The following PDZD2 variants were observed in gnomAD, a reference collection of about 807,000 sequenced individuals.
The protein encoded by PDZD2 is PDZ domain-containing protein 2.
PDZD2 carries 90 observed loss-of-function variants against 220.7 expected under a neutral mutation model. The ratio of observed to expected loss-of-function variants is 0.41; its 90% confidence interval spans 0.34 to 0.49. The LOEUF is 0.49. PDZD2 is among the 20% of genes least tolerant of loss of function. PDZD2 has a pLI of 0.28. For synonymous variants in PDZD2, 1,375 were observed against 1,450.5 expected (o/e 0.95, Z 1.18); for missense variants, 3,174 against 3,608.5 (o/e 0.88, Z 3.08).
chr5:31,870,450 C>G (rs563236344), intron 2 of PDZD2, among the ~76,000 whole-genome samples: 1 of 152,174 alleles, frequency 6.6e-6, no homozygotes, highest in East Asian at 1.9e-4. Flanking sequence ...GGTTTGGATG[C>G]TTTAGAGGTC....
At chr5:31,677,737 T>G (rs1165039340) in intron 1 of PDZD2, among the ~76,000 whole-genome samples, 2 of 152,130 alleles carry the variant, frequency 1.3e-5, no homozygotes, top group Non-Finnish European at 2.9e-5. Flanking sequence ...AGGATCATTA[T>G]GCTGAGTGAA....
intron 3 of PDZD2, among the ~76,000 whole-genome samples, chr5:31,988,571 A>G (rs1034680501): frequency 6.6e-6 from 1 of 152,038 alleles, no homozygotes; most frequent in Admixed American, 6.6e-5. Flanking sequence ...TCCTGAAGGC[A>G]TGATCATTTG....
chr5:31,784,822 G>A (rs1025817558), intron 1 of PDZD2, among the ~76,000 whole-genome samples: 15 of 151,966 alleles, frequency 9.9e-5, no homozygotes, highest in African/African-American at 3.1e-4. Context: ...CAGAAGAATC[G>A]CTTGAACCCG....
chr5:31,963,035 AC>A (rs1262632712), intron 2 of PDZD2, among the ~76,000 whole-genome samples: 1 of 151,834 alleles, frequency 6.6e-6, no homozygotes, highest in Non-Finnish European at 1.5e-5. Context: ...TGCTGAGAAC[AC>A]TTGGTAATGA....
chr5:31,968,741 G>T (rs1748996987), intron 2 of PDZD2, among the ~76,000 whole-genome samples: 3 of 152,110 alleles, frequency 2.0e-5, no homozygotes, highest in Non-Finnish European at 4.4e-5. Context: ...AAACACAAAG[G>T]CGCCATCAGT....
At chr5:32,039,226 C>G (rs1454909120) in intron 7 of PDZD2, among the ~76,000 whole-genome samples, 2 of 149,952 alleles carry the variant, frequency 1.3e-5, no homozygotes, top group African/African-American at 4.8e-5. Flanking sequence ...CTGCCTCGGC[C>G]TGCCGAGTGC....
At chr5:32,027,284 A>C (rs1383712713) in intron 6 of PDZD2, among the ~76,000 whole-genome samples, 2 of 152,184 alleles carry the variant, frequency 1.3e-5, no homozygotes, top group African/African-American at 4.8e-5. Flanking sequence ...AACCCACTGC[A>C]AGAGGGTCAG....
intron 1 of PDZD2, among the ~76,000 whole-genome samples, chr5:31,766,098 T>C (rs1373746634): frequency 1.3e-5 from 2 of 152,156 alleles, no homozygotes; most frequent in African/African-American, 2.4e-5. Flanking sequence ...AAGAATTACC[T>C]GAGCCCAGGA....
At chr5:31,881,359 TG>T (rs1739896481) in intron 2 of PDZD2, among the ~76,000 whole-genome samples, 1 of 144,444 alleles carries the variant, frequency 6.9e-6, no homozygotes, top group African/African-American at 2.7e-5. Context: ...TGTGTGTGTG[TG>T]TGTGTGTGTA....
At position 31,646,884 on chromosome 5, in the gene PDZD2, G is replaced by A. The variant is rs979756888; in HGVS notation, c.-361+7447G>A. ...TGTCTCCAGAAAATGTGCTCCGAGT[G>A]TCCCCATCAGCGTGGATTCCCAAGA... On this transcript the variant is annotated intron_variant, in intron 1 of 24. Coordinates refer to ENST00000438447, the MANE Select transcript of PDZD2 (RefSeq NM_178140.4). The surrounding 1 kb of genome is among the most constrained non-coding windows in gnomAD (Gnocchi z 4.7). 4.6e-5 allele frequency among the ~76,000 whole-genome samples: 7 copies of A among 152,088 alleles called. No homozygotes were observed. In the South Asian group the frequency reaches 1.5e-3, roughly 32 times the overall value.
In PDZD2 at chr5:32,108,279, C is replaced by CTGACT. The variant is rs1744994434; in HGVS notation, c.*146_*150dup. The CTGACT allele has an allele frequency of 3.7e-6, 2 of 537,058 alleles. No individual in the cohort carries two copies. The highest frequency in any genetic ancestry group is 1.9e-5 in the African/African-American group (1 of 51,956). The allele number at this position is 537,058 out of a possible 1,614,324, so 33.3% of individuals were successfully genotyped here. Reference sequence around the variant, plus strand: ...CCAAGCTTGTGCTTACACATGAAGCCTGACTTAACTGTATGTGCAACAGCA... The same window carrying CTGACT: ...CCAAGCTTGTGCTTACACATGAAGCCTGACTTGACTTAACTGTATGTGCAACAGCA... On this transcript the variant is annotated 3_prime_UTR_variant, in exon 25 of 25. Transcript: ENST00000438447.
At chr5:31,807,703 G>A (rs892056623) in intron 2 of PDZD2, among the ~76,000 whole-genome samples, 3 of 152,166 alleles carry the variant, frequency 2.0e-5, no homozygotes, top group African/African-American at 7.2e-5. Context: ...TGCAAGAACC[G>A]GGTCCCGGAG....
chr5:31,831,711 G>A (rs1440534490), intron 2 of PDZD2, among the ~76,000 whole-genome samples: 1 of 149,976 alleles, frequency 6.7e-6, no homozygotes, highest in African/African-American at 2.5e-5. Flanking sequence ...TTGCGCCACT[G>A]CACTCCAGCT....
At chr5:31,715,432 TC>T (rs1364879159) in intron 1 of PDZD2, among the ~76,000 whole-genome samples, 1 of 152,116 alleles carries the variant, frequency 6.6e-6, no homozygotes, top group Non-Finnish European at 1.5e-5. Flanking sequence ...CTTGTGCACA[TC>T]CCGGAACCAA....
chr5:32,083,975 G>A lies in PDZD2; in HGVS notation c.3683-3156G>A, dbSNP rs1742214502. Among the ~76,000 whole-genome samples, 1 of 152,152 alleles carries A rather than the reference G, an allele frequency of 6.6e-6. No individual in the cohort carries two copies. The highest frequency in any genetic ancestry group is 1.5e-5 in the Non-Finnish European group (1 of 68,040). On this transcript the variant is annotated intron_variant, in intron 19 of 24. Coordinates refer to ENST00000438447, the MANE Select transcript of PDZD2 (RefSeq NM_178140.4). This position sits in a 1 kb window ranked among gnomAD's most constrained non-coding sequence, Gnocchi z 4.1. ...TTACAGGCATGAGCCACCGCCCACG[G>A]CCTGAATATGAAATTTAAAAACAGA... is the stretch of plus-strand genomic sequence containing the variant.
chr5:32,072,355 TC>T, intron 17 of PDZD2, 38 bp downstream of exon 17: 1 of 1,540,136 alleles, frequency 6.5e-7, no homozygotes, highest in Non-Finnish European at 8.9e-7. Context: ...GGCTCTGCAT[TC>T]CAGTCAGCAG....
At chr5:32,001,887 G>A (rs767830476) in intron 5 of PDZD2, among the ~76,000 whole-genome samples, 71 of 152,160 alleles carry the variant, frequency 4.7e-4, no homozygotes, top group Non-Finnish European at 8.7e-4. Context: ...CTATGTGACC[G>A]AGGAACTGGT....
chr5:31,772,201 G>A (rs1387627629), intron 1 of PDZD2, among the ~76,000 whole-genome samples: 2 of 152,060 alleles, frequency 1.3e-5, no homozygotes, highest in Non-Finnish European at 2.9e-5. Flanking sequence ...TCTGTTTCCC[G>A]GGTCACCAGC....
At chr5:31,875,703 G>A (rs1005357156) in intron 2 of PDZD2, among the ~76,000 whole-genome samples, 2 of 148,376 alleles carry the variant, frequency 1.3e-5, no homozygotes, top group Admixed American at 1.4e-4. Context: ...TAATCTATTT[G>A]GGATTATATA....
Sources: allele counts gnomAD v4.1 joint callset (sites outside exome capture counted in the v4.1 genomes callset), GRCh38; gene constraint gnomAD v4.1.1; non-coding constraint Gnocchi (gnomAD v3.1); transcripts MANE v1.5; gene names NCBI Gene and HGNC (gene_info 2026-07-23, HGNC 2026-07-21).